APC: variants seen among roughly 807,000 people sequenced by gnomAD.
APC encodes the protein adenomatous polyposis coli protein.
APC carries 72 observed loss-of-function variants against 247.0 expected under a neutral mutation model. That is an observed-to-expected ratio of 0.29 (90% CI 0.24 to 0.35). The LOEUF (loss-of-function observed/expected upper bound fraction) is 0.35. Ranked by LOEUF, APC falls within the 10% of genes least tolerant of loss-of-function variation. The pLI, the probability that APC is intolerant of heterozygous loss-of-function variation, is 1.00. For synonymous variants in APC, 1,254 were observed against 1,162.5 expected (o/e 1.08, Z -1.60); for missense variants, 3,400 against 3,360.7 (o/e 1.01, Z -0.29).
At chr5:112,806,874 T>G (rs929374848) in intron 8 of APC, among the ~76,000 whole-genome samples, 1 of 152,102 alleles carries the variant, frequency 6.6e-6, no homozygotes, top group Admixed American at 6.6e-5. Flanking sequence ...TGCTCACACA[T>G]GTAATCCCAG....
At chr5:112,793,668 G>A (rs766684214) in intron 7 of APC, among the ~76,000 whole-genome samples, 9 of 152,124 alleles carry the variant, frequency 5.9e-5, no homozygotes, top group Non-Finnish European at 1.0e-4. Flanking sequence ...TTCTAGGAAG[G>A]TTCAATATCC....
rs371484714 is a variant in APC at position 112,836,009 on chromosome 5, CTTTTTTTTTTT to C, written c.1958+860_1958+870del. On this transcript the variant is annotated intron_variant, in intron 15 of 15. Transcript: ENST00000257430. ...ATTATATCAACAAAAATACAACTGT[CTTTTTTTTTTT>C]TTTTTTTTTTTTTTTCTTGAGATGG... Among the ~76,000 whole-genome samples the C allele has an allele frequency of 9.8e-4, 104 of 106,312 alleles. 2 individuals carry two copies. The highest frequency in any genetic ancestry group is 2.7e-3 in the Admixed American group (28 of 10,368). 69.7% of individuals were successfully genotyped at this position (106,312 alleles called of 152,430 possible).
intron 7 of APC, among the ~76,000 whole-genome samples, chr5:112,798,918 T>C (rs561988042): frequency 3.0e-4 from 45 of 152,144 alleles, no homozygotes; most frequent in African/African-American, 1.0e-3. Flanking sequence ...ATCTATAAAA[T>C]GGGGATAATG....
intron 8 of APC, among the ~76,000 whole-genome samples, chr5:112,806,562 T>C (rs1195035410): frequency 6.7e-6 from 1 of 149,020 alleles, no homozygotes. Flanking sequence ...CTTTATTTAT[T>C]TATTTATTTA....
In APC at chr5:112,842,501, G is replaced by A. The variant is rs544549596; in HGVS notation, c.6907G>A (p.Gly2303Arg). The A allele has an allele frequency of 1.6e-4, 254 of 1,613,908 alleles. 3 individuals carry two copies. The South Asian group carries it at 2.7e-3, about 17-fold the overall frequency. ...GTCAAGTAAAGCACCTTCTAGATCAGGATCTAGAGATTCGACCCCTTCAAG... is the reference window on the plus strand; with the variant it reads ...GTCAAGTAAAGCACCTTCTAGATCAAGATCTAGAGATTCGACCCCTTCAAG... ...GGSSKAPSRS[G>R]SRDSTPSRPA... The change falls in exon 16 of 16, where the codon GGA becomes AGA. Residue 2303 changes from glycine to arginine, a missense_variant. By Grantham distance (125) the Gly-to-Arg change is moderately radical (BLOSUM62 -2). Around this residue, in one of 9 missense-constraint regions of APC, gnomAD observed 1,788 missense variants for 1,649.5 expected, o/e 1.08. Coordinates refer to ENST00000257430, the MANE Select transcript of APC (RefSeq NM_000038.6).
At chr5:112,798,298 C>T (rs1445717873) in intron 7 of APC, among the ~76,000 whole-genome samples, 1 of 152,186 alleles carries the variant, frequency 6.6e-6, no homozygotes, top group Non-Finnish European at 1.5e-5. Flanking sequence ...ACCTCCAGAA[C>T]ATGCTAAGTA....
intron 2 of APC, among the ~76,000 whole-genome samples, chr5:112,756,586 G>A (rs1353445131): frequency 6.6e-6 from 1 of 152,128 alleles, no homozygotes; most frequent in Non-Finnish European, 1.5e-5. Flanking sequence ...CTCCTGGCAG[G>A]CCTGTTTAGA....
rs184160528 is a variant in APC, at chr5:112,743,174, T to C, written c.-19+5249T>C. ...GCCAGCAGCATTCTAAATCTCTCTC[T>C]GAATCTGACCCTCTGCTGCTCTTGT... is the stretch of plus-strand genomic sequence containing the variant. On this transcript the variant is annotated intron_variant, in intron 1 of 15. Coordinates refer to ENST00000257430, the MANE Select transcript of APC (RefSeq NM_000038.6). 4.3e-3 allele frequency among the ~76,000 whole-genome samples: 657 copies of C among 152,356 alleles called. 4 individuals carry two copies. The highest frequency in any genetic ancestry group is 0.015 in the African/African-American group (627 of 41,582).
At chr5:112,806,116 G>A (rs73218128) in intron 8 of APC, among the ~76,000 whole-genome samples, 3,733 of 152,144 alleles carry the variant, frequency 0.025, 168 homozygotes, top group African/African-American at 0.086. Context: ...ATTTTGCTCA[G>A]TTAACACCAG....
At chr5:112,785,003 G>T (rs1283134710) in intron 6 of APC, among the ~76,000 whole-genome samples, 1 of 152,060 alleles carries the variant, frequency 6.6e-6, no homozygotes, top group African/African-American at 2.4e-5. Flanking sequence ...ATTAGAGGTT[G>T]CAGTGAGCTA....
Position 112,801,309 on chromosome 5 carries a change from T to C in APC, c.760T>C (p.Ser254Pro), listed in dbSNP as rs770912433. ...RSSQNKHETG[S>P]HDAERQNEGQ... ...ATCTCAGAACAAGCATGAAACCGGC[T>C]CACATGATGCTGAGCGGCAGAATGA... The change falls in exon 8 of 16, where the codon TCA (serine) becomes CCA (proline). Residue 254 changes from serine to proline, a missense_variant. By Grantham distance (74) the Ser-to-Pro change is moderately conservative (BLOSUM62 -1). Transcript: ENST00000257430. 1.9e-6 allele frequency: 3 copies of C among 1,613,024 alleles called. No individual in the cohort carries two copies. In the South Asian group the frequency reaches 3.3e-5, roughly 18 times the overall value.
At position 112,840,297 on chromosome 5, in the gene APC, A is replaced by G. The variant is rs1765747016; in HGVS notation, c.4703A>G (p.Asp1568Gly). The change falls in exon 16 of 16, where the codon GAT becomes GGT. Residue 1568 changes from aspartate to glycine, a missense_variant. Around this residue, in one of 9 missense-constraint regions of APC, gnomAD observed 1,788 missense variants for 1,649.5 expected, o/e 1.08. Transcript: ENST00000257430. This position sits in a 1 kb window ranked among gnomAD's most constrained non-coding sequence, Gnocchi z 4.1. ...DSEKDLLDDS[D>G]DDDIEILEEC... ...GAAAAGGACCTATTAGATGATTCAGATGATGATGATATTGAAATACTAGAA... is the reference window on the plus strand; with the variant it reads ...GAAAAGGACCTATTAGATGATTCAGGTGATGATGATATTGAAATACTAGAA... 6.2e-7 allele frequency: 1 copy of G among 1,614,156 alleles called. No homozygotes were observed. The highest frequency in any genetic ancestry group is 8.5e-7 in the Non-Finnish European group (1 of 1,179,968).
At chr5:112,812,431 C>T (rs1394033263) in intron 8 of APC, among the ~76,000 whole-genome samples, 1 of 152,130 alleles carries the variant, frequency 6.6e-6, no homozygotes, top group East Asian at 1.9e-4. Flanking sequence ...TAGTTAGAAC[C>T]AGAGTAAGCT....
intron 6 of APC, among the ~76,000 whole-genome samples, chr5:112,782,475 A>G (rs898851793): frequency 2.0e-5 from 3 of 152,154 alleles, no homozygotes; most frequent in African/African-American, 7.2e-5. Flanking sequence ...TACATTTCAT[A>G]GTCCATACAT....
chr5:112,754,416 A>G (rs1754724059), intron 1 of APC, among the ~76,000 whole-genome samples: 1 of 152,208 alleles, frequency 6.6e-6, no homozygotes, highest in South Asian at 2.1e-4. Flanking sequence ...AAAGTGTGAA[A>G]TGGAATATGT....
intron 1 of APC, among the ~76,000 whole-genome samples, chr5:112,742,086 G>C (rs1648340888): frequency 6.6e-6 from 1 of 152,092 alleles, no homozygotes; most frequent in South Asian, 2.1e-4. Flanking sequence ...ATGAACGTGG[G>C]TGTGCAAGTG....
intron 7 of APC, among the ~76,000 whole-genome samples, chr5:112,796,826 C>G (rs560385212): frequency 6.6e-5 from 10 of 151,826 alleles, no homozygotes; most frequent in Admixed American, 2.6e-4. Flanking sequence ...ACAGTTAGTT[C>G]TTTCCCCCCC....
chr5:112,837,501 T>TA, intron 15 of APC, 52 bp from the exon 16 acceptor site: 1 of 1,326,576 alleles, frequency 7.5e-7, no homozygotes, highest in Non-Finnish European at 1.1e-6. Context: ...TATTTGTTGT[T>TA]ACTGCATACA....
intron 1 of APC, among the ~76,000 whole-genome samples, chr5:112,729,449 A>G (rs1581043301): frequency 6.6e-6 from 1 of 152,254 alleles, no homozygotes; most frequent in South Asian, 2.1e-4. Context: ...CCTGAATGAC[A>G]TGAAGGACTA....
Sources: gnomAD v4.1 joint callset for allele counts (sites outside exome capture counted in the v4.1 genomes callset) on GRCh38, gnomAD v4.1.1 for gene constraint, gnomAD v4.1.1 regional missense constraint, Gnocchi (gnomAD v3.1) non-coding constraint, MANE v1.5 for transcripts, NCBI Gene and HGNC (gene_info 2026-07-23, HGNC 2026-07-21) for gene names.